Variants in TENM2 observed in about 807,000 individuals in gnomAD.
TENM2 encodes teneurin-2.
Under a neutral mutation model 245.2 loss-of-function variants are expected in TENM2, and 52 were observed. The observed-to-expected ratio is 0.21, with a 90% CI of 0.17 to 0.27. The LOEUF (loss-of-function observed/expected upper bound fraction) is 0.27. TENM2 is among the 10% of genes least tolerant of loss of function. TENM2 has a pLI of 1.00. For missense variants in TENM2, 3,046 were observed against 3,666.8 expected, an observed-to-expected ratio of 0.83 and a Z score of 4.37; for synonymous variants, 1,363 against 1,438.9, an observed-to-expected ratio of 0.95 and a Z score of 1.19.
At chr5:167,732,809 A>G (rs1009085743) in intron 2 of TENM2, among the ~76,000 whole-genome samples, 3 of 152,222 alleles carry the variant, frequency 2.0e-5, no homozygotes, top group Admixed American at 6.5e-5. Context: ...AGATGTGCCA[A>G]ATATGACAAA....
At chr5:167,371,516 C>T (rs528033618) in intron 1 of TENM2, among the ~76,000 whole-genome samples, 1 of 151,930 alleles carries the variant, frequency 6.6e-6, no homozygotes, top group Non-Finnish European at 1.5e-5. Context: ...CATGCGCCAC[C>T]ACACCCGGCT....
intron 2 of TENM2, among the ~76,000 whole-genome samples, chr5:167,647,417 G>A (rs563941602): frequency 7.7e-4 from 117 of 152,078 alleles, no homozygotes; most frequent in Non-Finnish European, 1.0e-3. Flanking sequence ...GAGGTCGGGA[G>A]TTCGAGATAA....
intron 2 of TENM2, among the ~76,000 whole-genome samples, chr5:167,719,087 GC>G (rs1226241805): frequency 3.3e-5 from 5 of 152,084 alleles, no homozygotes; most frequent in Admixed American, 6.5e-5. Context: ...GCATTTATAT[GC>G]AAATAAAGAC....
intron 2 of TENM2, among the ~76,000 whole-genome samples, chr5:167,645,520 G>A (rs1363012003): frequency 6.6e-6 from 1 of 151,778 alleles, no homozygotes; most frequent in African/African-American, 2.4e-5. Flanking sequence ...GGAAACACTT[G>A]TGTGTTCCTT....
the TENM2 span, among the ~76,000 whole-genome samples, chr5:167,029,878 G>T: frequency 6.6e-6 from 1 of 152,170 alleles, no homozygotes; most frequent in Non-Finnish European, 1.5e-5. Flanking sequence ...AAGTGGATGT[G>T]AGGAGGTTCC....
intron 12 of TENM2, among the ~76,000 whole-genome samples, chr5:168,128,407 A>T (rs768196210): frequency 3.9e-5 from 6 of 152,136 alleles, no homozygotes; most frequent in Non-Finnish European, 5.9e-5. Flanking sequence ...TTACATGAAG[A>T]TTCCCCTCCC....
At chr5:167,550,687 TTTG>T (rs906412088) in intron 2 of TENM2, among the ~76,000 whole-genome samples, 1 of 137,968 alleles carries the variant, frequency 7.2e-6, no homozygotes, top group Non-Finnish European at 1.5e-5. Flanking sequence ...TACCTTTTTT[TTTG>T]TTGTTGTTAG....
chr5:167,685,611 T>C (rs1336068761), intron 2 of TENM2, among the ~76,000 whole-genome samples: 1 of 152,222 alleles, frequency 6.6e-6, no homozygotes, highest in African/African-American at 2.4e-5. Flanking sequence ...TAGGAGTGTC[T>C]ACCTGTTCCC....
chr5:167,813,022 A>AT (rs2151000860), intron 2 of TENM2, among the ~76,000 whole-genome samples: 1 of 152,274 alleles, frequency 6.6e-6, no homozygotes, highest in South Asian at 2.1e-4. Flanking sequence ...CTTTCTAACT[A>AT]TTTTGCTGCA....
At chr5:167,801,376 G>A (rs1207239499) in intron 2 of TENM2, among the ~76,000 whole-genome samples, 3 of 151,852 alleles carry the variant, frequency 2.0e-5, no homozygotes, top group African/African-American at 7.3e-5. Flanking sequence ...GGCCTTGAAA[G>A]TACAGAGATA....
chr5:167,332,177 G>A (rs1430035177), intron 1 of TENM2, among the ~76,000 whole-genome samples: 3 of 152,120 alleles, frequency 2.0e-5, no homozygotes, highest in African/African-American at 4.8e-5. Context: ...TGGGCGTTAC[G>A]ATTCTAGTCC....
intron 9 of TENM2, among the ~76,000 whole-genome samples, chr5:168,102,371 C>T (rs1366481764): frequency 1.3e-5 from 2 of 152,068 alleles, no homozygotes; most frequent in East Asian, 1.9e-4. Flanking sequence ...CCTCGCCCAG[C>T]GATAAATTTA....
intron 2 of TENM2, among the ~76,000 whole-genome samples, chr5:167,654,296 C>T (rs917944596): frequency 6.6e-6 from 1 of 152,096 alleles, no homozygotes; most frequent in African/African-American, 2.4e-5. Flanking sequence ...TTCATTGGCC[C>T]AGTAAATAGG....
chr5:167,170,733 T>C, the TENM2 span, among the ~76,000 whole-genome samples: 5 of 152,198 alleles, frequency 3.3e-5, no homozygotes, highest in African/African-American at 9.7e-5. Context: ...AGTAAGACTT[T>C]TGTTTCCAAA....
At chr5:167,256,708 T>C in the TENM2 span, among the ~76,000 whole-genome samples, 1 of 152,016 alleles carries the variant, frequency 6.6e-6, no homozygotes, top group South Asian at 2.1e-4. Flanking sequence ...TATATGGAAA[T>C]ATAAGTAGGG....
At chr5:167,070,091 T>C in the TENM2 span, among the ~76,000 whole-genome samples, 1 of 146,774 alleles carries the variant, frequency 6.8e-6, no homozygotes, top group South Asian at 2.1e-4. Flanking sequence ...ATCTTTCTCA[T>C]TTATTCATTT....
At chr5:167,559,411 G>A (rs1296591827) in intron 2 of TENM2, among the ~76,000 whole-genome samples, 3 of 152,112 alleles carry the variant, frequency 2.0e-5, no homozygotes, top group Non-Finnish European at 4.4e-5. Flanking sequence ...CTGTGGACTG[G>A]GTGAAGAGGC....
At chr5:167,926,765 A>ACAC (rs1561942518) in intron 3 of TENM2, among the ~76,000 whole-genome samples, 2 of 128,690 alleles carry the variant, frequency 1.6e-5, no homozygotes, top group South Asian at 2.6e-4. Context: ...CACACACACA[A>ACAC]GACCTTAGTG....
intron 3 of TENM2, among the ~76,000 whole-genome samples, chr5:167,893,417 C>T (rs565514632): frequency 2.6e-4 from 39 of 152,158 alleles, no homozygotes; most frequent in Non-Finnish European, 4.3e-4. Context: ...CATAAAACAA[C>T]GAGGCGCACG....
Sources: gnomAD v4.1 joint callset for allele counts (sites outside exome capture counted in the v4.1 genomes callset) on GRCh38, gnomAD v4.1.1 for gene constraint, MANE v1.5 for transcripts, NCBI Gene and HGNC (gene_info 2026-07-23, HGNC 2026-07-21) for gene names.